Variants in BARX2 observed in about 807,000 individuals in gnomAD.
BARX2 encodes the protein homeobox protein BarH-like 2.
Under a neutral mutation model 25.5 loss-of-function variants are expected in BARX2, and 11 were observed. That is an observed-to-expected ratio of 0.43 (90% CI 0.27 to 0.71). The LOEUF is 0.71. Ranked by LOEUF, BARX2 falls within the 30% of genes least tolerant of loss-of-function variation. The pLI is 0.19. For missense variants in BARX2, 360 were observed against 359.9 expected, an observed-to-expected ratio of 1.00 and a Z score of 0.00; for synonymous variants, 137 against 149.5, an observed-to-expected ratio of 0.92 and a Z score of 0.61.
In BARX2 at chr11:129,411,775, C is replaced by T. The variant is rs73024982; in HGVS notation, c.188-24976C>T. ...CAGGCCAATTAAATTAGAATCTCTG[C>T]GGGTGGGGCCTCAGCATTAATATTT... is the stretch of plus-strand genomic sequence containing the variant. On this transcript the variant is annotated intron_variant, in intron 1 of 3. Transcript: ENST00000281437. Among the ~76,000 whole-genome samples the T allele has an allele frequency of 5.7e-3, 866 of 152,278 alleles. 7 individuals are homozygous for T. The highest frequency in any genetic ancestry group is 0.01 in the Middle Eastern group (3 of 294).
At chr11:129,446,544 G>A (rs936438263) in intron 3 of BARX2, among the ~76,000 whole-genome samples, 1 of 152,138 alleles carries the variant, frequency 6.6e-6, no homozygotes, top group African/African-American at 2.4e-5. Flanking sequence ...AGATGTTATT[G>A]CCGTTATTAT....
chr11:129,416,660 C>T (rs1385907916), intron 1 of BARX2, among the ~76,000 whole-genome samples: 2 of 152,080 alleles, frequency 1.3e-5, no homozygotes, highest in African/African-American at 4.8e-5. Flanking sequence ...CATGAATGGG[C>T]TAATGAGTTG....
In BARX2 at chr11:129,451,544, C is replaced by T; in HGVS notation, c.*142C>T. ...CCCGTCTCCCTCCCTCCCACAGTTACCATTGGCCTTGTCATCGCAAGCATT... is the reference window on the plus strand; with the variant it reads ...CCCGTCTCCCTCCCTCCCACAGTTATCATTGGCCTTGTCATCGCAAGCATT... On this transcript the variant is annotated 3_prime_UTR_variant, in exon 4 of 4. Coordinates refer to ENST00000281437, the MANE Select transcript of BARX2 (RefSeq NM_003658.5). 3.1e-6 allele frequency: 3 copies of T among 979,970 alleles called. No individual in the cohort carries two copies. The highest frequency in any genetic ancestry group is 1.8e-5 in the South Asian group (1 of 55,750). 60.7% of individuals were successfully genotyped at this position (979,970 alleles called of 1,614,324 possible). A position where few individuals can be genotyped will look rare whatever the true frequency, so the allele number is the denominator to read the frequency against.
At chr11:129,378,563 C>CTTTTTTTTTTTTTTTTTTT (rs56804728) in intron 1 of BARX2, among the ~76,000 whole-genome samples, 47 of 111,196 alleles carry the variant, frequency 4.2e-4, no homozygotes, top group Non-Finnish European at 6.2e-4. Flanking sequence ...TTTTCTTTTT[C>CTTTTTTTTTTTTTTTTTTT]TTTTTTTTTT....
chr11:129,451,082 G>T, intron 3 of BARX2, 54 bp from the exon 4 acceptor site: 1 of 1,583,802 alleles, frequency 6.3e-7, no homozygotes, highest in Non-Finnish European at 8.6e-7. Flanking sequence ...GGAGTGGAAA[G>T]GTGGAGGGAA....
Position 129,376,184 on chromosome 11 carries a change from C to G in BARX2, c.149C>G (p.Ser50Trp). 1 of 1,611,702 alleles carries G rather than the reference C, an allele frequency of 6.2e-7. No homozygotes were observed. Residue 50 changes from serine (S) to tryptophan (W), a missense_variant, in exon 1 of 4, where the codon TCG becomes TGG. Physicochemically the swap from Ser to Trp is radical, Grantham distance 177 (BLOSUM62 -3). This residue lies in a region of BARX2 where 240 missense variants were observed against 228.7 expected (regional missense o/e 1.05). Coordinates refer to ENST00000281437, the MANE Select transcript of BARX2 (RefSeq NM_003658.5). The surrounding 1 kb of genome is among the most constrained non-coding windows in gnomAD (Gnocchi z 4.2). ...EKLSLYSVCPSLVVRPKPLHS... is the reference protein window; with the variant it reads ...EKLSLYSVCPWLVVRPKPLHS... ...CTTTCCCTCTACTCCGTGTGCCCGT[C>G]GCTGGTCGTGCGACCCAAGCCCCTG...
intron 1 of BARX2, among the ~76,000 whole-genome samples, chr11:129,411,228 G>A (rs757142992): frequency 1.3e-4 from 20 of 152,118 alleles, no homozygotes; most frequent in South Asian, 2.1e-4. Context: ...AAAATTAGCC[G>A]GGCGTGGTGG....
intron 1 of BARX2, among the ~76,000 whole-genome samples, chr11:129,391,745 G>C (rs985459946): frequency 6.6e-6 from 1 of 152,132 alleles, no homozygotes; most frequent in African/African-American, 2.4e-5. Context: ...GCACGGAGAG[G>C]GGGGTCAAAA....
chr11:129,404,754 G>A (rs976434610), intron 1 of BARX2, among the ~76,000 whole-genome samples: 1 of 152,180 alleles, frequency 6.6e-6, no homozygotes, highest in Non-Finnish European at 1.5e-5. Flanking sequence ...ATTCCGACAG[G>A]TGCCCTTGCA....
At chr11:129,394,553 T>C (rs1055467258) in intron 1 of BARX2, among the ~76,000 whole-genome samples, 1 of 152,194 alleles carries the variant, frequency 6.6e-6, no homozygotes, top group Non-Finnish European at 1.5e-5. Flanking sequence ...AGTTGAACAA[T>C]GATTTATTTT....
chr11:129,444,417 C>A (rs548735854), intron 3 of BARX2, among the ~76,000 whole-genome samples: 1 of 152,190 alleles, frequency 6.6e-6, no homozygotes, highest in South Asian at 2.1e-4. Context: ...CATGAAGTGC[C>A]CACGAATTAA....
intron 1 of BARX2, among the ~76,000 whole-genome samples, chr11:129,423,277 C>A (rs61911224): frequency 1.4e-3 from 214 of 151,834 alleles, no homozygotes; most frequent in African/African-American, 5.0e-3. Context: ...CCACCACGCC[C>A]GGCTAATTTT....
chr11:129,442,418 G>C (rs1332618515), intron 2 of BARX2, among the ~76,000 whole-genome samples: 1 of 152,196 alleles, frequency 6.6e-6, no homozygotes, highest in Admixed American at 6.5e-5. Flanking sequence ...TGGGACCGGG[G>C]CTGGGTCTGG....
Position 129,436,727 on chromosome 11 carries a change from C to T in BARX2, c.188-24C>T. On this transcript the variant is annotated intron_variant, in intron 1 of 3. Transcript: ENST00000281437. This position sits in a 1 kb window ranked among gnomAD's most constrained non-coding sequence, Gnocchi z 4.5. ...TTCCCCACACCGTTCCCTGTGGTGA[C>T]CTGCCTCCCTGCTTGTTTTCCAGGC... 6.5e-7 allele frequency: 1 copy of T among 1,541,452 alleles called. No homozygotes were observed. The highest frequency in any genetic ancestry group is 8.8e-7 in the Non-Finnish European group (1 of 1,139,374).
intron 1 of BARX2, among the ~76,000 whole-genome samples, chr11:129,381,023 C>A (rs978639435): frequency 1.3e-5 from 2 of 152,180 alleles, no homozygotes; most frequent in Non-Finnish European, 2.9e-5. Context: ...GATCCACCCG[C>A]CTCGGCCTCC....
chr11:129,422,743 G>A (rs80116850), intron 1 of BARX2, among the ~76,000 whole-genome samples: 3,960 of 138,698 alleles, frequency 0.029, 200 homozygotes, highest in East Asian at 0.25. Context: ...CACTCTTTTC[G>A]CCCGGACTGG....
Position 129,445,706 on chromosome 11 carries a change from T to C in BARX2, c.573+2787T>C, listed in dbSNP as rs545514121. ...GAGCCTGTCCACCAGAAAATAAAAT[T>C]ATAAAAAGGTACTCAGTCAAGTGCA... On this transcript the variant is annotated intron_variant, in intron 3 of 3. Coordinates refer to ENST00000281437, the MANE Select transcript of BARX2 (RefSeq NM_003658.5). 8.5e-5 allele frequency among the ~76,000 whole-genome samples: 13 copies of C among 152,276 alleles called. No individual in the cohort carries two copies. The South Asian group carries it at 1.9e-3, about 22-fold the overall frequency.
At chr11:129,434,823 A>G (rs540363931) in intron 1 of BARX2, among the ~76,000 whole-genome samples, 6 of 152,272 alleles carry the variant, frequency 3.9e-5, no homozygotes, top group Admixed American at 3.9e-4. Context: ...ATGAATGCCT[A>G]TTTCCCCGTA....
At chr11:129,423,284 T>C (rs1406261493) in intron 1 of BARX2, among the ~76,000 whole-genome samples, 1 of 151,664 alleles carries the variant, frequency 6.6e-6, no homozygotes, top group African/African-American at 2.4e-5. Flanking sequence ...GCCCGGCTAA[T>C]TTTTGTATAA....
Sources: gnomAD v4.1 joint callset for allele counts (sites outside exome capture counted in the v4.1 genomes callset) on GRCh38, gnomAD v4.1.1 for gene constraint, gnomAD v4.1.1 regional missense constraint, Gnocchi (gnomAD v3.1) non-coding constraint, MANE v1.5 for transcripts, NCBI Gene and HGNC (gene_info 2026-07-23, HGNC 2026-07-21) for gene names.